The following RRAS2 variants were observed in gnomAD, a reference collection of about 807,000 sequenced individuals.
The protein encoded by RRAS2 is ras-related protein R-Ras2.
Under a neutral mutation model 27.6 loss-of-function variants are expected in RRAS2, and 7 were observed. That is an observed-to-expected ratio of 0.25 (90% CI 0.14 to 0.48). RRAS2 has a LOEUF of 0.48. RRAS2 is among the 20% of genes least tolerant of loss of function. The pLI, the probability that RRAS2 is intolerant of heterozygous loss-of-function variation, is 0.99. For missense variants in RRAS2, 178 were observed against 256.2 expected, an observed-to-expected ratio of 0.69 and a Z score of 2.08; for synonymous variants, 86 against 90.9, an observed-to-expected ratio of 0.95 and a Z score of 0.31.
chr11:14,295,107 T>C lies in RRAS2; in HGVS notation c.197-245A>G, dbSNP rs376364720. ...GGTTAGAATATATTAGCACACTAAT[T>C]AGAAGCTTAAAAATATCAAACACAT... On this transcript the variant is annotated intron_variant, in intron 2 of 5. Coordinates refer to ENST00000256196, the MANE Select transcript of RRAS2 (RefSeq NM_012250.6). Among the ~76,000 whole-genome samples the C allele has an allele frequency of 9.3e-4, 141 of 152,310 alleles. 2 individuals carry two copies. The East Asian group carries it at 0.017, about 18-fold the overall frequency.
At chr11:14,340,185 G>A (rs1199412581) in intron 1 of RRAS2, among the ~76,000 whole-genome samples, 1 of 150,018 alleles carries the variant, frequency 6.7e-6, no homozygotes. Context: ...TGCAACCTTC[G>A]CCTCCAAGGT....
chr11:14,303,277 CATGT>C (rs1458985982), intron 1 of RRAS2, among the ~76,000 whole-genome samples: 2 of 152,194 alleles, frequency 1.3e-5, no homozygotes, highest in African/African-American at 4.8e-5. Context: ...CTTATCCTTT[CATGT>C]ATGTGTCTAA....
chr11:14,297,625 G>A (rs181802179), intron 1 of RRAS2, among the ~76,000 whole-genome samples: 5 of 152,022 alleles, frequency 3.3e-5, no homozygotes, highest in Admixed American at 2.6e-4. Flanking sequence ...AGCCAGATGT[G>A]GTGGTGTACA....
rs1849143308 is a variant in RRAS2, at chr11:14,358,948, G to A, written c.-78C>T. On this transcript the variant is annotated 5_prime_UTR_variant, in exon 1 of 6. Transcript: ENST00000256196. This position sits in a 1 kb window ranked among gnomAD's most constrained non-coding sequence, Gnocchi z 5.1. ...CCTAGGCCCGGCTCCGGGGACGTGT[G>A]CGGCCGGCGGGCTGCGGGCGAGCGG... is the stretch of plus-strand genomic sequence containing the variant. The A allele has an allele frequency of 1.7e-6, 2 of 1,172,660 alleles. No individual in the cohort carries two copies. 72.6% of individuals were successfully genotyped at this position (1,172,660 alleles called of 1,614,324 possible). A position where few individuals can be genotyped will look rare whatever the true frequency, so the allele number is the denominator to read the frequency against.
upstream of RRAS2, among the ~76,000 whole-genome samples, chr11:14,362,832 G>A (rs115592496): frequency 9.4e-4 from 143 of 152,276 alleles, no homozygotes; most frequent in African/African-American, 2.7e-3. Flanking sequence ...CCAGAACCCC[G>A]GAGAGCCTCA....
Position 14,358,177 on chromosome 11 carries a change from A to T in RRAS2, c.108+586T>A. The T allele has an allele frequency of 3.1e-6, 3 of 971,176 alleles. No homozygotes were observed. Among genetic ancestry groups the T allele is most frequent in the Non-Finnish European group, 3.7e-6 (3 of 816,870 alleles). The allele number at this position is 971,176 out of a possible 1,614,324, so 60.2% of individuals were successfully genotyped here. On this transcript the variant is annotated intron_variant, in intron 1 of 5. Transcript: ENST00000256196. The surrounding 1 kb of genome is among the most constrained non-coding windows in gnomAD (Gnocchi z 5.1). ...GCCACCATTTCCCCGGGGCATTATC[A>T]CACACTCCCACCCGGACATATTACC... is the stretch of plus-strand genomic sequence containing the variant.
intron 1 of RRAS2, among the ~76,000 whole-genome samples, chr11:14,353,648 A>G (rs1466450346): frequency 2.0e-5 from 3 of 152,108 alleles, no homozygotes; most frequent in Non-Finnish European, 4.4e-5. Context: ...TTATCCCAAA[A>G]CAGGGGTACG....
intron 1 of RRAS2, among the ~76,000 whole-genome samples, chr11:14,344,882 C>A (rs1422790305): frequency 6.6e-6 from 1 of 151,756 alleles, no homozygotes; most frequent in Non-Finnish European, 1.5e-5. Flanking sequence ...CCAGCTCTTT[C>A]TCTTCTTCAG....
chr11:14,317,156 G>A (rs1428289296), intron 1 of RRAS2, among the ~76,000 whole-genome samples: 2 of 152,154 alleles, frequency 1.3e-5, no homozygotes. Flanking sequence ...ATAGGTGTTG[G>A]GTGGAGTTCC....
At chr11:14,282,602 T>C (rs1383628146) in intron 4 of RRAS2, among the ~76,000 whole-genome samples, 1 of 152,010 alleles carries the variant, frequency 6.6e-6, no homozygotes, top group Non-Finnish European at 1.5e-5. Flanking sequence ...ATACCTTTTA[T>C]GGCTATTATT....
At chr11:14,296,923 G>A (rs1847569200) in intron 1 of RRAS2, among the ~76,000 whole-genome samples, 1 of 152,094 alleles carries the variant, frequency 6.6e-6, no homozygotes, top group African/African-American at 2.4e-5. Context: ...CAGCTACTCA[G>A]GAGGCTGAGG....
chr11:14,280,042 A>G (rs1554944074), intron 5 of RRAS2, among the ~76,000 whole-genome samples: 1 of 152,208 alleles, frequency 6.6e-6, no homozygotes, highest in African/African-American at 2.4e-5. Context: ...AACAAAGGAC[A>G]ACATTTCAAA....
chr11:14,293,144 T>C (rs1324088927), intron 4 of RRAS2, among the ~76,000 whole-genome samples: 1 of 132,872 alleles, frequency 7.5e-6, no homozygotes, highest in East Asian at 2.2e-4. Flanking sequence ...TATATATATA[T>C]ATATATATAT....
At chr11:14,293,161 ATC>A (rs1554946030) in intron 4 of RRAS2, among the ~76,000 whole-genome samples, 23 of 126,702 alleles carry the variant, frequency 1.8e-4, no homozygotes, top group Admixed American at 7.9e-4. Context: ...ATATATATAT[ATC>A]ATTTTCTCTT....
At chr11:14,308,791 C>T (rs933245953) in intron 1 of RRAS2, among the ~76,000 whole-genome samples, 1 of 152,132 alleles carries the variant, frequency 6.6e-6, no homozygotes, top group Non-Finnish European at 1.5e-5. Flanking sequence ...ATGTGAACTA[C>T]TGCACACAGA....
chr11:14,300,018 T>A (rs1212533084), intron 1 of RRAS2, among the ~76,000 whole-genome samples: 2 of 152,112 alleles, frequency 1.3e-5, no homozygotes, highest in African/African-American at 2.4e-5. Context: ...AAGGATGTTC[T>A]GTAGCAGAAA....
intron 1 of RRAS2, chr11:14,364,369 G>A: frequency 6.5e-7 from 1 of 1,535,886 alleles, no homozygotes; most frequent in Admixed American, 2.0e-5. Context: ...CAAGCCCCCA[G>A]ATCAGAGCCT....
intron 1 of RRAS2, among the ~76,000 whole-genome samples, chr11:14,352,878 C>T (rs1294649253): frequency 6.6e-6 from 1 of 151,472 alleles, no homozygotes; most frequent in African/African-American, 2.4e-5. Flanking sequence ...CCACTACAAC[C>T]CTCCGACTCC....
Position 14,358,112 on chromosome 11 carries a change from T to C in RRAS2, c.108+651A>G. 1 of 607,112 alleles carries C rather than the reference T, an allele frequency of 1.6e-6. No homozygotes were observed. Among genetic ancestry groups the C allele is most frequent in the Non-Finnish European group, 2.1e-6 (1 of 484,328 alleles). The allele number at this position is 607,112 out of a possible 1,614,324, so 37.6% of individuals were successfully genotyped here. A position where few individuals can be genotyped will look rare whatever the true frequency, so the allele number is the denominator to read the frequency against. On this transcript the variant is annotated intron_variant, in intron 1 of 5. Coordinates refer to ENST00000256196, the MANE Select transcript of RRAS2 (RefSeq NM_012250.6). This position sits in a 1 kb window ranked among gnomAD's most constrained non-coding sequence, Gnocchi z 5.1. ...GACGGCATCAGGAATTCCTAGGAAATGGTCTCACCCCATCAGAGAACATTT... is the reference window on the plus strand; with the variant it reads ...GACGGCATCAGGAATTCCTAGGAAACGGTCTCACCCCATCAGAGAACATTT...
Sources: allele counts gnomAD v4.1 joint callset (sites outside exome capture counted in the v4.1 genomes callset), GRCh38; gene constraint gnomAD v4.1.1; non-coding constraint Gnocchi (gnomAD v3.1); transcripts MANE v1.5; gene names NCBI Gene and HGNC (gene_info 2026-07-23, HGNC 2026-07-21).